Variants in ERC2 observed in about 807,000 individuals in gnomAD.
ERC2 encodes ELKS/RAB6-interacting/CAST family member 2.
In ERC2, 42 loss-of-function variants were observed where a neutral mutation model predicts 114.8. The observed-to-expected ratio is 0.37, with a 90% CI of 0.29 to 0.47. The LOEUF (loss-of-function observed/expected upper bound fraction) is 0.47. ERC2 is among the 20% of genes least tolerant of loss of function. The pLI is 0.99. For missense variants in ERC2, 939 were observed against 1,150.7 expected (o/e 0.82, Z 2.66); for synonymous variants, 454 against 425.5 (o/e 1.07, Z -0.82).
At chr3:56,346,063 T>C (rs1465301123) in intron 2 of ERC2, among the ~76,000 whole-genome samples, 2 of 152,222 alleles carry the variant, frequency 1.3e-5, no homozygotes, top group Non-Finnish European at 2.9e-5. Context: ...CCCTGGGTCA[T>C]AGGATATGAA....
At chr3:56,275,759 GT>G (rs1167527559) in intron 3 of ERC2, among the ~76,000 whole-genome samples, 1 of 152,186 alleles carries the variant, frequency 6.6e-6, no homozygotes, top group Non-Finnish European at 1.5e-5. Flanking sequence ...TGAATCAGTG[GT>G]TTTTCAACAG....
At chr3:56,192,130 T>C (rs2047827460) in intron 3 of ERC2, among the ~76,000 whole-genome samples, 1 of 151,926 alleles carries the variant, frequency 6.6e-6, no homozygotes, top group Admixed American at 6.6e-5. Context: ...TCTTAGCCAT[T>C]ATTACCTACA....
intron 4 of ERC2, among the ~76,000 whole-genome samples, chr3:56,155,507 A>G (rs957115800): frequency 1.3e-5 from 2 of 152,122 alleles, no homozygotes; most frequent in African/African-American, 4.8e-5. Context: ...TCCACTCTCC[A>G]GAATACCAAA....
At chr3:56,040,052 A>G in intron 7 of ERC2, among the ~76,000 whole-genome samples, 1 of 152,198 alleles carries the variant, frequency 6.6e-6, no homozygotes, top group African/African-American at 2.4e-5. Context: ...CAAAGAAAAC[A>G]TAAGGAAAAA....
chr3:55,635,342 A>G (rs982244890), intron 17 of ERC2, among the ~76,000 whole-genome samples: 11 of 152,136 alleles, frequency 7.2e-5, no homozygotes, highest in African/African-American at 2.4e-4. Flanking sequence ...TATAAACATT[A>G]GTGGTGAAAT....
chr3:56,261,394 G>C (rs956413229), intron 3 of ERC2, among the ~76,000 whole-genome samples: 1 of 152,156 alleles, frequency 6.6e-6, no homozygotes, highest in Non-Finnish European at 1.5e-5. Context: ...AGTCAATAAA[G>C]ACTCACTAAC....
chr3:56,437,780 A>G (rs979899732), intron 1 of ERC2, among the ~76,000 whole-genome samples: 6 of 152,224 alleles, frequency 3.9e-5, no homozygotes, highest in Non-Finnish European at 8.8e-5. Context: ...CATAAATGAT[A>G]AGAGAGACAG....
chr3:55,764,939 T>C (rs2067675885), intron 14 of ERC2, among the ~76,000 whole-genome samples: 1 of 152,180 alleles, frequency 6.6e-6, no homozygotes, highest in South Asian at 2.1e-4. Context: ...TTTTTGGCAA[T>C]ACATAGGGTG....
In ERC2 at chr3:55,932,947, G is replaced by A. The variant is rs778312192; in HGVS notation, c.2403+17478C>T. ...GAAAGCACTGGGCGTGGTAGCTCAC[G>A]CCTGTAATTGCAACACTTTCGGAGG... On this transcript the variant is annotated intron_variant, in intron 13 of 17. Coordinates refer to ENST00000288221, the MANE Select transcript of ERC2 (RefSeq NM_015576.3). Among the ~76,000 whole-genome samples the A allele has an allele frequency of 1.2e-4, 18 of 152,306 alleles. 1 individual carries two copies. The highest frequency in any genetic ancestry group is 5.9e-4 in the Admixed American group (9 of 15,306).
At chr3:55,648,586 C>T (rs1159167108) in intron 17 of ERC2, among the ~76,000 whole-genome samples, 1 of 152,136 alleles carries the variant, frequency 6.6e-6, no homozygotes, top group African/African-American at 2.4e-5. Context: ...ATGGTTGTCC[C>T]TGAGCAGAGG....
intron 14 of ERC2, among the ~76,000 whole-genome samples, chr3:55,883,006 T>A (rs2063184499): frequency 6.6e-6 from 1 of 152,254 alleles, no homozygotes; most frequent in Admixed American, 6.5e-5. Flanking sequence ...TTCATTTATT[T>A]GCTTATTTGT....
chr3:56,003,031 C>A, intron 10 of ERC2: 7 of 1,173,146 alleles, frequency 6.0e-6, no homozygotes, highest in Non-Finnish European at 7.9e-6. Flanking sequence ...TATGGCACAC[C>A]GTGACTGGTG....
At chr3:55,697,501 A>G (rs1340539405) in intron 16 of ERC2, among the ~76,000 whole-genome samples, 1 of 152,204 alleles carries the variant, frequency 6.6e-6, no homozygotes, top group Non-Finnish European at 1.5e-5. Flanking sequence ...CATAAGAGTC[A>G]GTCAAGTGGA....
chr3:56,161,179 G>A (rs1408215460), intron 4 of ERC2, among the ~76,000 whole-genome samples: 1 of 152,164 alleles, frequency 6.6e-6, no homozygotes, highest in Non-Finnish European at 1.5e-5. Flanking sequence ...TTCATGTGAT[G>A]TACCTGCTCC....
Position 55,950,667 on chromosome 3 carries a change from G to A in ERC2, c.2268-107C>T, listed in dbSNP as rs146332475. The A allele has an allele frequency of 3.3e-6, 4 of 1,218,150 alleles. No individual in the cohort carries two copies. In the African/African-American group the frequency reaches 6.0e-5, roughly 18 times the overall value. 75.5% of individuals were successfully genotyped at this position (1,218,150 alleles called of 1,614,324 possible). On this transcript the variant is annotated intron_variant, in intron 12 of 17. Transcript: ENST00000288221. ...GTATAGGCTATCTGGATAAGGGCTT[G>A]GGAAAAAGATGATACTTCTGAATAA...
At position 55,886,909 on chromosome 3, in the gene ERC2, T is replaced by A. The variant is rs894013791; in HGVS notation, c.2564+1480A>T. Among the ~76,000 whole-genome samples the A allele has an allele frequency of 2.0e-5, 3 of 152,360 alleles. 1 individual carries two copies. The highest frequency in any genetic ancestry group is 1.5e-5 in the Non-Finnish European group (1 of 68,032). On this transcript the variant is annotated intron_variant, in intron 14 of 17. Transcript: ENST00000288221. Reference sequence around the variant, plus strand: ...ATTCAGTCTCCAGTATTCAATCTAGTCACTCACTCAACAAACCATTGAGCA... The same window carrying A: ...ATTCAGTCTCCAGTATTCAATCTAGACACTCACTCAACAAACCATTGAGCA...
intron 7 of ERC2, among the ~76,000 whole-genome samples, chr3:56,067,951 A>G (rs2076556839): frequency 6.6e-6 from 1 of 152,170 alleles, no homozygotes; most frequent in African/African-American, 2.4e-5. Context: ...CCAGTATATT[A>G]TTATGGATTT....
intron 2 of ERC2, among the ~76,000 whole-genome samples, chr3:56,347,616 A>C (rs1043507745): frequency 1.3e-5 from 2 of 152,032 alleles, no homozygotes; most frequent in East Asian, 3.9e-4. Flanking sequence ...CCTGCCTCTT[A>C]CCAGACTTCA....
Position 56,215,737 on chromosome 3 carries a change from T to C in ERC2, c.1075-42217A>G, listed in dbSNP as rs2049419324. Reference sequence around the variant, plus strand: ...GCTTATTCCAAAATTGACCACATAGTTGGAAGTAAAGCACTCCTCAGCAAG... The same window carrying C: ...GCTTATTCCAAAATTGACCACATAGCTGGAAGTAAAGCACTCCTCAGCAAG... On this transcript the variant is annotated intron_variant, in intron 3 of 17. Coordinates refer to ENST00000288221, the MANE Select transcript of ERC2 (RefSeq NM_015576.3). Among the ~76,000 whole-genome samples, 2 of 152,178 alleles carry C rather than the reference T, an allele frequency of 1.3e-5. 1 individual carries two copies. Among genetic ancestry groups the C allele is most frequent in the Non-Finnish European group, 2.9e-5 (2 of 68,050 alleles).
Sources: allele counts gnomAD v4.1 joint callset (sites outside exome capture counted in the v4.1 genomes callset), GRCh38; gene constraint gnomAD v4.1.1; transcripts MANE v1.5; gene names NCBI Gene and HGNC (gene_info 2026-07-23, HGNC 2026-07-21).